DNAH17: variants seen among roughly 807,000 people sequenced by gnomAD.
DNAH17 encodes dynein axonemal heavy chain 17, also known as axonemal beta dynein heavy chain 17.
In DNAH17, 376 loss-of-function variants were observed where a neutral mutation model predicts 485.6. That is an observed-to-expected ratio of 0.77 (90% confidence interval 0.71 to 0.84). The LOEUF is 0.84. DNAH17 is among the 40% of genes least tolerant of loss of function. DNAH17 has a pLI of 0.00. For synonymous variants in DNAH17, 3,031 were observed against 2,405.9 expected (o/e 1.26, Z -7.60); for missense variants, 6,370 against 5,839.3 (o/e 1.09, Z -2.96).
intron 54 of DNAH17, among the ~76,000 whole-genome samples, chr17:78,473,749 G>A (rs1054798129): frequency 2.0e-5 from 3 of 152,060 alleles, no homozygotes; most frequent in Non-Finnish European, 4.4e-5. Context: ...CAGGGACGCA[G>A]AGCAAGGAAA....
At chr17:78,456,831 C>T (rs1300659041) in intron 62 of DNAH17, among the ~76,000 whole-genome samples, 1 of 152,238 alleles carries the variant, frequency 6.6e-6, no homozygotes, top group Non-Finnish European at 1.5e-5. Flanking sequence ...GAAGACCAGC[C>T]TCATGCAGCC....
intron 51 of DNAH17, among the ~76,000 whole-genome samples, chr17:78,477,200 A>C (rs8072771): frequency 0.04 from 6,119 of 152,162 alleles, 400 homozygotes; most frequent in African/African-American, 0.14. Context: ...ATGCAACAGA[A>C]CCTGACGCTG....
chr17:78,429,371 C>A, intron 75 of DNAH17, 71 bp from the exon 76 acceptor site: 1 of 1,512,472 alleles, frequency 6.6e-7, no homozygotes, highest in Non-Finnish European at 9.0e-7. Context: ...GGGTCAGGCT[C>A]AGGCAGGCAG....
intron 54 of DNAH17, chr17:78,472,615 C>T (rs1414230023): frequency 2.5e-6 from 1 of 400,340 alleles, no homozygotes; most frequent in East Asian, 9.6e-5. Context: ...CACCGCCTGG[C>T]CCCGGGGGCT....
At chr17:78,553,039 T>G (rs1030297459) in intron 14 of DNAH17, among the ~76,000 whole-genome samples, 6 of 152,150 alleles carry the variant, frequency 3.9e-5, no homozygotes, top group African/African-American at 1.2e-4. Flanking sequence ...GATGCCGTTC[T>G]TGGGATAGTG....
chr17:78,518,443 A>C (rs150196008), intron 25 of DNAH17, among the ~76,000 whole-genome samples: 1 of 152,362 alleles, frequency 6.6e-6, no homozygotes, highest in Non-Finnish European at 1.5e-5. Context: ...ACCTATAAGA[A>C]GACAATAATC....
chr17:78,431,346 G>A (rs2086663707), intron 75 of DNAH17, among the ~76,000 whole-genome samples: 1 of 152,080 alleles, frequency 6.6e-6, no homozygotes, highest in African/African-American at 2.4e-5. Context: ...AGGAAGACCT[G>A]TGCCCCTCTC....
rs746703904 is a variant in DNAH17 at position 78,463,002 on chromosome 17, G to A, written c.9016C>T (p.Leu3006=). The A allele has an allele frequency of 4.2e-5, 68 of 1,613,884 alleles. No individual in the cohort carries two copies. Among genetic ancestry groups the A allele is most frequent in the Middle Eastern group, 1.6e-4 (1 of 6,084 alleles). The part of the protein sequence containing the change: ...TTVNEMSRVY[L]ATERRYNYTT... The stretch of plus-strand genomic sequence containing the variant: ...TAGTTGTAGCGCCTCTCAGTAGCCA[G>A]GTATACCCTGGACATCTCGTTGACG... Residue 3006 remains leucine (L), a synonymous_variant, in exon 57 of 81, where the codon CTG becomes TTG. Coordinates refer to ENST00000389840, the MANE Select transcript of DNAH17 (RefSeq NM_173628.4).
chr17:78,543,526 A>G (rs965497601), intron 17 of DNAH17, among the ~76,000 whole-genome samples: 20 of 150,204 alleles, frequency 1.3e-4, no homozygotes, highest in Non-Finnish European at 2.7e-4. Context: ...TCCTGACCTC[A>G]TGATCCACCC....
At chr17:78,466,978 G>A (rs1027614561) in intron 55 of DNAH17, among the ~76,000 whole-genome samples, 162 bp from the exon 56 acceptor site, 4 of 152,246 alleles carry the variant, frequency 2.6e-5, no homozygotes, top group African/African-American at 9.6e-5. Flanking sequence ...AAGGGCGGCC[G>A]CTGCATTGCC....
chr17:78,484,739 A>ACCCCCCTGCCCCCCCCCCCCCCC, intron 48 of DNAH17, 129 bp downstream of exon 48: 5 of 347,794 alleles, frequency 1.4e-5, no homozygotes, highest in South Asian at 8.4e-5. Flanking sequence ...ACGTTGCAGC[A>ACCCCCCTGCCCCCCCCCCCCCCC]CCCCCCCCAC....
At chr17:78,426,625 G>C (rs377673019) in intron 78 of DNAH17, 25 bp from the exon 79 acceptor site, 6 of 1,578,322 alleles carry the variant, frequency 3.8e-6, no homozygotes, top group Non-Finnish European at 4.3e-6. Flanking sequence ...GATGGGTGTG[G>C]GGAGCCCTGA....
At chr17:78,545,411 G>A (rs1002676917) in intron 16 of DNAH17, among the ~76,000 whole-genome samples, 1 of 152,292 alleles carries the variant, frequency 6.6e-6, no homozygotes, top group Non-Finnish European at 1.5e-5. Context: ...TTAGAGGTTA[G>A]AAATCTGAGA....
In DNAH17 at chr17:78,537,317, C is replaced by A; in HGVS notation, c.2841G>T (p.Lys947Asn). Residue 947 changes from lysine (K) to asparagine (N), a missense_variant, in exon 19 of 81, where the codon AAG (lysine) becomes AAT (asparagine). By Grantham distance (94) the Lys-to-Asn change is moderately conservative (BLOSUM62 0). Transcript: ENST00000389840. ...NVARLIPRLA[K>N]DRMNYKMDLE... The stretch of plus-strand genomic sequence containing the variant: ...GACTGACCTTGTAGTTCATCCTGTC[C>A]TTGGCCAGCCGAGGGATGAGCCTGG... 6.4e-7 allele frequency: 1 copy of A among 1,572,938 alleles called. No homozygotes were observed. The highest frequency in any genetic ancestry group is 8.6e-7 in the Non-Finnish European group (1 of 1,159,322).
chr17:78,521,420 ATTTTT>A (rs997464017), intron 25 of DNAH17, among the ~76,000 whole-genome samples: 4 of 151,948 alleles, frequency 2.6e-5, no homozygotes, highest in African/African-American at 9.7e-5. Flanking sequence ...GAAAAAAAGA[ATTTTT>A]TTTAATGGAG....
Position 78,543,905 on chromosome 17 carries a change from G to A in DNAH17, c.2484C>T (p.Arg828=), listed in dbSNP as rs752563228. ...CTCCAGCATCCCTGACTGCTGCGTA[G>A]CGCTTGTTGAGGTTGGCAATTCTTC... ...LDGRIANLNK[R]YAAVRDAGVK... Residue 828 remains arginine, a synonymous_variant, in exon 17 of 81, where the codon CGC becomes CGT. Transcript: ENST00000389840. The A allele has an allele frequency of 2.2e-5, 36 of 1,613,930 alleles. No homozygotes were observed. Among genetic ancestry groups the A allele is most frequent in the Non-Finnish European group, 3.1e-5 (36 of 1,179,910 alleles).
chr17:78,514,631 T>C (rs950622776), intron 26 of DNAH17, 143 bp downstream of exon 26: 14 of 1,144,888 alleles, frequency 1.2e-5, no homozygotes, highest in Non-Finnish European at 1.6e-5. Context: ...CGCAGGTCAC[T>C]TGTGCACGAA....
In DNAH17 at chr17:78,474,081, C is replaced by T. The variant is rs529561508; in HGVS notation, c.8511+1197G>A. ...ACTGGAGGCTCTCCCAGAGGTTGGC[C>T]GTCCCTGGCACAGCCTGCACTGCCC... On this transcript the variant is annotated intron_variant, in intron 54 of 80. Coordinates refer to ENST00000389840, the MANE Select transcript of DNAH17 (RefSeq NM_173628.4). 1.8e-4 allele frequency among the ~76,000 whole-genome samples: 27 copies of T among 152,342 alleles called. No homozygotes were observed. In the East Asian group the frequency reaches 3.5e-3, roughly 20 times the overall value.
chr17:78,575,215 T>G, intron 1 of DNAH17, 133 bp from the exon 2 acceptor site: 1 of 703,632 alleles, frequency 1.4e-6, no homozygotes, highest in Non-Finnish European at 2.3e-6. Context: ...TGTGCAGTTT[T>G]TAGCTGTGGT....
Sources: allele counts gnomAD v4.1 joint callset (sites outside exome capture counted in the v4.1 genomes callset), GRCh38; gene constraint gnomAD v4.1.1; transcripts MANE v1.5; gene names NCBI Gene and HGNC (gene_info 2026-07-23, HGNC 2026-07-21).